SYT1: variants seen among roughly 807,000 people sequenced by gnomAD.
SYT1 encodes synaptotagmin-1.
Under a neutral mutation model 44.8 loss-of-function variants are expected in SYT1, and 8 were observed. The ratio of observed to expected loss-of-function variants is 0.18; its 90% CI spans 0.10 to 0.32. The LOEUF (loss-of-function observed/expected upper bound fraction) is 0.32, where lower values mean the gene tolerates loss of function less well. Among genes scored for constraint, SYT1 ranks in the 10% least tolerant of loss-of-function variants. The pLI is 1.00. For synonymous variants in SYT1, 154 were observed against 188.8 expected (o/e 0.82, Z 1.51); for missense variants, 286 against 509.3 (o/e 0.56, Z 4.22).
chr12:78,911,669 T>C lies in SYT1; in HGVS notation c.-217+46560T>C, dbSNP rs186579476. On this transcript the variant is annotated intron_variant, in intron 1 of 10. Coordinates refer to ENST00000261205, the MANE Select transcript of SYT1 (RefSeq NM_005639.3). ...GGGATCCCAGCAAGGGCTGTTTCAA[T>C]GCAGTCATGGGACCAGTCAACACAA... Among the ~76,000 whole-genome samples, 102 of 152,014 alleles carry C rather than the reference T, an allele frequency of 6.7e-4. 1 individual carries two copies. The highest frequency in any genetic ancestry group is 2.3e-3 in the African/African-American group (95 of 41,512).
intron 3 of SYT1, among the ~76,000 whole-genome samples, chr12:79,117,638 T>TGTGTGTG (rs1879347327): frequency 2.3e-5 from 3 of 128,724 alleles, no homozygotes; most frequent in East Asian, 4.7e-4. Context: ...GGACAGGCTG[T>TGTGTGTG]GTGTGTGTGT....
chr12:78,895,468 G>A (rs912242359), intron 1 of SYT1, among the ~76,000 whole-genome samples: 7 of 151,588 alleles, frequency 4.6e-5, no homozygotes, highest in Non-Finnish European at 7.4e-5. Context: ...CTTGAAAAAT[G>A]GCATCTTCAT....
chr12:78,946,767 T>C (rs898850652), intron 1 of SYT1, among the ~76,000 whole-genome samples: 5 of 152,074 alleles, frequency 3.3e-5, no homozygotes, highest in African/African-American at 1.2e-4. Flanking sequence ...TTAAACCCAC[T>C]AAACTCAGTA....
chr12:79,215,538 AAG>A (rs1874732722), intron 3 of SYT1, among the ~76,000 whole-genome samples: 1 of 152,150 alleles, frequency 6.6e-6, no homozygotes, highest in Non-Finnish European at 1.5e-5. Flanking sequence ...AAACTTAAAA[AAG>A]AGAACAAGGC....
At chr12:79,154,056 G>A (rs905507224) in intron 3 of SYT1, among the ~76,000 whole-genome samples, 11 of 152,064 alleles carry the variant, frequency 7.2e-5, no homozygotes, top group African/African-American at 2.7e-4. Context: ...CCACTCTATA[G>A]CTTAGACTTC....
chr12:79,270,640 T>A (rs1878372316), intron 4 of SYT1, among the ~76,000 whole-genome samples: 1 of 152,090 alleles, frequency 6.6e-6, no homozygotes, highest in African/African-American at 2.4e-5. Flanking sequence ...AAGGCAGAAA[T>A]ACAAAAGACA....
At chr12:79,200,870 C>T (rs1318359159) in intron 3 of SYT1, among the ~76,000 whole-genome samples, 1 of 152,150 alleles carries the variant, frequency 6.6e-6, no homozygotes, top group African/African-American at 2.4e-5. Context: ...GTCCACCCTC[C>T]CTGTCATATA....
chr12:79,168,539 A>T (rs1177362497), intron 3 of SYT1, among the ~76,000 whole-genome samples: 1 of 151,788 alleles, frequency 6.6e-6, no homozygotes, highest in African/African-American at 2.4e-5. Context: ...TTTAATTTTA[A>T]ATTTACATTT....
chr12:78,940,279 C>T (rs963371626), intron 1 of SYT1, among the ~76,000 whole-genome samples: 4 of 152,094 alleles, frequency 2.6e-5, no homozygotes, highest in Admixed American at 2.6e-4. Flanking sequence ...GATTTCAATT[C>T]CCTATTCCAA....
chr12:79,383,613 G>A (rs1245159529), intron 9 of SYT1, among the ~76,000 whole-genome samples: 2 of 152,082 alleles, frequency 1.3e-5, no homozygotes, highest in African/African-American at 2.4e-5. Flanking sequence ...GTCCCTTGCA[G>A]AATTTACAGT....
chr12:79,109,606 G>A (rs1043039531), intron 3 of SYT1, among the ~76,000 whole-genome samples: 1 of 152,154 alleles, frequency 6.6e-6, no homozygotes, highest in Non-Finnish European at 1.5e-5. Flanking sequence ...AACGCACCCT[G>A]AATAGCAAAT....
intron 3 of SYT1, among the ~76,000 whole-genome samples, chr12:79,197,408 T>C (rs1353371556): frequency 6.6e-6 from 1 of 152,032 alleles, no homozygotes; most frequent in East Asian, 1.9e-4. Context: ...GGACTAAGAG[T>C]GATGGGCTAG....
intron 3 of SYT1, among the ~76,000 whole-genome samples, chr12:79,123,631 C>A (rs1387132997): frequency 1.3e-5 from 2 of 152,076 alleles, no homozygotes; most frequent in African/African-American, 4.8e-5. Flanking sequence ...GTGCATAGAA[C>A]CTTATTATAC....
chr12:78,967,302 G>A (rs751683427), intron 1 of SYT1, among the ~76,000 whole-genome samples: 8 of 152,088 alleles, frequency 5.3e-5, no homozygotes, highest in South Asian at 2.1e-4. Flanking sequence ...TAAACTGCTC[G>A]GCTAGTATTG....
intron 1 of SYT1, chr12:78,926,531 A>C (rs1165356536): frequency 6.6e-6 from 1 of 152,010 alleles, no homozygotes; most frequent in East Asian, 1.9e-4. Flanking sequence ...TTCTTTTTTG[A>C]TCATGTATAA....
chr12:79,297,486 T>C (rs906718697), intron 7 of SYT1, among the ~76,000 whole-genome samples: 2 of 152,276 alleles, frequency 1.3e-5, no homozygotes, highest in Admixed American at 6.5e-5. Context: ...TCTTAAATTA[T>C]ATGAGCTAAT....
chr12:79,149,775 A>T (rs1227733722), intron 3 of SYT1, among the ~76,000 whole-genome samples: 4 of 152,176 alleles, frequency 2.6e-5, no homozygotes, highest in African/African-American at 9.7e-5. Flanking sequence ...TGTTAAAATG[A>T]TCCACATTCT....
At chr12:78,922,987 A>G (rs1196303242) in intron 1 of SYT1, among the ~76,000 whole-genome samples, 1 of 151,960 alleles carries the variant, frequency 6.6e-6, no homozygotes, top group African/African-American at 2.4e-5. Flanking sequence ...TAACCAGTAC[A>G]GAGTACCCTT....
At chr12:78,973,669 C>T (rs529522496) in intron 1 of SYT1, among the ~76,000 whole-genome samples, 2 of 151,936 alleles carry the variant, frequency 1.3e-5, no homozygotes, top group African/African-American at 4.8e-5. Flanking sequence ...CAACTTACTA[C>T]ACAGGTTGAC....
Sources: gnomAD v4.1 joint callset for allele counts (sites outside exome capture counted in the v4.1 genomes callset) on GRCh38, gnomAD v4.1.1 for gene constraint, MANE v1.5 for transcripts, NCBI Gene and HGNC (gene_info 2026-07-23, HGNC 2026-07-21) for gene names.